SV2B: variants seen among roughly 807,000 people sequenced by gnomAD.
SV2B encodes the protein solute carrier family 22 member B2.
A neutral mutation model predicts 73.9 loss-of-function variants in SV2B; 41 were observed. That is an observed-to-expected ratio of 0.56 (90% CI 0.43 to 0.72). SV2B has a LOEUF of 0.72. Among genes scored for constraint, SV2B ranks in the 30% least tolerant of loss-of-function variants. The pLI is 0.00. For synonymous variants in SV2B, 314 were observed against 314.2 expected, an observed-to-expected ratio of 1.00 and a Z score of 0.01; for missense variants, 764 against 857.8, an observed-to-expected ratio of 0.89 and a Z score of 1.37.
intron 1 of SV2B, among the ~76,000 whole-genome samples, chr15:91,172,334 C>CA (rs1170797080): frequency 6.6e-6 from 1 of 152,236 alleles, no homozygotes; most frequent in African/African-American, 2.4e-5. Flanking sequence ...CCAGTGTGGA[C>CA]ACTTCCCTCT....
intron 1 of SV2B, among the ~76,000 whole-genome samples, chr15:91,111,617 G>A (rs2042038526): frequency 6.6e-6 from 1 of 152,204 alleles, no homozygotes; most frequent in Non-Finnish European, 1.5e-5. Flanking sequence ...TTCAGGAGAA[G>A]CATGTAGACC....
chr15:91,211,607 A>C (rs2045866446), intron 1 of SV2B, among the ~76,000 whole-genome samples: 1 of 150,466 alleles, frequency 6.6e-6, no homozygotes, highest in Admixed American at 6.6e-5. Context: ...GGGTTCAAGC[A>C]ATTCTTCTGC....
chr15:91,121,125 C>T lies in SV2B; in HGVS notation c.-392+20762C>T, dbSNP rs1463742576. Among the ~76,000 whole-genome samples the T allele has an allele frequency of 1.6e-5, 2 of 122,886 alleles. No individual in the cohort carries two copies. Among genetic ancestry groups the T allele is most frequent in the Non-Finnish European group, 3.7e-5 (2 of 54,048 alleles). 80.6% of individuals were successfully genotyped at this position (122,886 alleles called of 152,430 possible). Reference sequence around the variant, plus strand: ...AATTTTTGGTCTTATGTTAGTAACTCGTTTCATTTTTTTTTCTCTTTGAAA... The same window carrying T: ...AATTTTTGGTCTTATGTTAGTAACTTGTTTCATTTTTTTTTCTCTTTGAAA... On this transcript the variant is annotated intron_variant, in intron 1 of 12. Transcript: ENST00000394232. The surrounding 1 kb of genome is among the most constrained non-coding windows in gnomAD (Gnocchi z 4.4).
At chr15:91,219,386 T>C (rs539423446) in intron 1 of SV2B, among the ~76,000 whole-genome samples, 3 of 152,308 alleles carry the variant, frequency 2.0e-5, no homozygotes, top group Admixed American at 2.0e-4. Context: ...AATAGGAAGC[T>C]CTTGGTCCCT....
intron 1 of SV2B, among the ~76,000 whole-genome samples, chr15:91,166,679 T>A (rs1233271178): frequency 6.6e-6 from 1 of 152,114 alleles, no homozygotes; most frequent in Admixed American, 6.5e-5. Flanking sequence ...GATTAGATAC[T>A]TTTAATTGAC....
rs939545509 is a variant in SV2B, at chr15:91,128,642, A to G, written c.-392+28279A>G. ...CCAAAGCCAGCCATAAAACCTAAAA[A>G]TACTACTCCCACTTCCCTCTGCCTT... On this transcript the variant is annotated intron_variant, in intron 1 of 12. Coordinates refer to ENST00000394232, the MANE Select transcript of SV2B (RefSeq NM_001323032.3). This position sits in a 1 kb window ranked among gnomAD's most constrained non-coding sequence, Gnocchi z 4.2. The G allele has an allele frequency of 6.6e-6, 1 of 152,226 alleles. No individual in the cohort carries two copies. Among genetic ancestry groups the G allele is most frequent in the Non-Finnish European group, 1.5e-5 (1 of 68,100 alleles). The allele number at this position is 152,226 out of a possible 1,614,324, so 9.4% of individuals were successfully genotyped here. A position where few individuals can be genotyped will look rare whatever the true frequency, so the allele number is the denominator to read the frequency against.
rs192922830 is a variant in SV2B at position 91,115,628 on chromosome 15, C to T, written c.-392+15265C>T. Among the ~76,000 whole-genome samples the T allele has an allele frequency of 2.7e-3, 408 of 152,108 alleles. 2 individuals are homozygous for T. Among genetic ancestry groups the T allele is most frequent in the Non-Finnish European group, 4.4e-3 (299 of 68,002 alleles). Reference sequence around the variant, plus strand: ...CTGAACTCAAGCGATCCACCCGCCTCGACCTCTCAAAGTGCTGGGATTACA... The same window carrying T: ...CTGAACTCAAGCGATCCACCCGCCTTGACCTCTCAAAGTGCTGGGATTACA... On this transcript the variant is annotated intron_variant, in intron 1 of 12. Transcript: ENST00000394232. The surrounding 1 kb of genome is among the most constrained non-coding windows in gnomAD (Gnocchi z 4.3).
At chr15:91,162,541 A>G (rs368697101) in intron 1 of SV2B, among the ~76,000 whole-genome samples, 9 of 152,180 alleles carry the variant, frequency 5.9e-5, no homozygotes, top group African/African-American at 1.2e-4. Flanking sequence ...TCATTAGCCT[A>G]TGTCTCTGTA....
At position 91,258,657 on chromosome 15, in the gene SV2B, A is replaced by G. The variant is rs2047791825; in HGVS notation, c.918+103A>G. The G allele has an allele frequency of 6.5e-7, 1 of 1,532,102 alleles. No individual in the cohort carries two copies. 94.9% of individuals were successfully genotyped at this position (1,532,102 alleles called of 1,614,324 possible). Reference sequence around the variant, plus strand: ...CCTAGTCCCACATCCTCTGCTGCTTATGTGTTGCAAACTCTCCCCTGGTCG... The same window carrying G: ...CCTAGTCCCACATCCTCTGCTGCTTGTGTGTTGCAAACTCTCCCCTGGTCG... On this transcript the variant is annotated intron_variant, in intron 5 of 12. Coordinates refer to ENST00000394232, the MANE Select transcript of SV2B (RefSeq NM_001323032.3). The surrounding 1 kb of genome is among the most constrained non-coding windows in gnomAD (Gnocchi z 4.7).
chr15:91,178,438 T>A (rs2044411925), intron 1 of SV2B, among the ~76,000 whole-genome samples: 1 of 151,804 alleles, frequency 6.6e-6, no homozygotes, highest in African/African-American at 2.4e-5. Flanking sequence ...CCTCTTTTTC[T>A]GTTGATTGGA....
chr15:91,193,208 C>G (rs1187723715), intron 1 of SV2B, among the ~76,000 whole-genome samples: 1 of 152,120 alleles, frequency 6.6e-6, no homozygotes, highest in South Asian at 2.1e-4. Context: ...GGAGCCCCTG[C>G]AAGTGCCGCA....
chr15:91,252,352 G>T lies in SV2B; in HGVS notation c.633-17G>T, dbSNP rs2047520298. ...TGTATGACTTGATTCTTTCTCTCTG[G>T]CATTTTTCCTTTGCAGTATTGGGGG... On this transcript the variant is annotated splice_polypyrimidine_tract_variant and intron_variant, in intron 3 of 12. Coordinates refer to ENST00000394232, the MANE Select transcript of SV2B (RefSeq NM_001323032.3). This position sits in a 1 kb window ranked among gnomAD's most constrained non-coding sequence, Gnocchi z 4.6. 1 of 1,595,258 alleles carries T rather than the reference G, an allele frequency of 6.3e-7. No individual in the cohort carries two copies.
At chr15:91,182,048 T>G (rs866317351) in intron 1 of SV2B, among the ~76,000 whole-genome samples, 7 of 152,102 alleles carry the variant, frequency 4.6e-5, no homozygotes, top group African/African-American at 1.7e-4. Flanking sequence ...CATTTCTAGG[T>G]GTAAGATTGT....
chr15:91,250,103 C>T (rs904394482), intron 2 of SV2B, among the ~76,000 whole-genome samples: 33 of 151,842 alleles, frequency 2.2e-4, no homozygotes, highest in African/African-American at 8.0e-4. Context: ...GACACAGATG[C>T]AATAATCTTC....
At chr15:91,188,882 AGT>A (rs1188901242) in intron 1 of SV2B, among the ~76,000 whole-genome samples, 1 of 151,876 alleles carries the variant, frequency 6.6e-6, no homozygotes, top group Non-Finnish European at 1.5e-5. Flanking sequence ...GCAGGAGTGC[AGT>A]GGTGCAATCT....
chr15:91,283,723 G>A lies in SV2B; in HGVS notation c.1508-298G>A, dbSNP rs2048758708. 6.6e-6 allele frequency among the ~76,000 whole-genome samples: 1 copy of A among 152,082 alleles called. No individual in the cohort carries two copies. Among genetic ancestry groups the A allele is most frequent in the Non-Finnish European group, 1.5e-5 (1 of 67,996 alleles). On this transcript the variant is annotated intron_variant, in intron 10 of 12. Transcript: ENST00000394232. This position sits in a 1 kb window ranked among gnomAD's most constrained non-coding sequence, Gnocchi z 4.3. The stretch of plus-strand genomic sequence containing the variant: ...CCTACCTCGGCCTCCTCAAGTGCTG[G>A]GATTACAGATGTGGGCCACTACACC...
chr15:91,115,291 C>T lies in SV2B; in HGVS notation c.-392+14928C>T, dbSNP rs1567263551. Among the ~76,000 whole-genome samples the T allele has an allele frequency of 6.6e-6, 1 of 152,168 alleles. No individual in the cohort carries two copies. Among genetic ancestry groups the T allele is most frequent in the Non-Finnish European group, 1.5e-5 (1 of 68,036 alleles). On this transcript the variant is annotated intron_variant, in intron 1 of 12. Transcript: ENST00000394232. This position sits in a 1 kb window ranked among gnomAD's most constrained non-coding sequence, Gnocchi z 4.3. ...TCCACCACACACACTGAGCTGGCTT[C>T]TGTTGCTGAAATAAAGATAACACAG...
chr15:91,205,453 C>T (rs1223121611), intron 1 of SV2B, among the ~76,000 whole-genome samples: 2 of 150,546 alleles, frequency 1.3e-5, no homozygotes, highest in Admixed American at 6.6e-5. Flanking sequence ...GCAGCCTCTG[C>T]CTCCTGAGTT....
At chr15:91,213,638 C>CATATACCA (rs1215775377) in intron 1 of SV2B, among the ~76,000 whole-genome samples, 1 of 152,142 alleles carries the variant, frequency 6.6e-6, no homozygotes, top group Non-Finnish European at 1.5e-5. Flanking sequence ...TGGCAAAGAT[C>CATATACCA]ATATACCACC....
Sources: gnomAD v4.1 joint callset for allele counts (sites outside exome capture counted in the v4.1 genomes callset) on GRCh38, gnomAD v4.1.1 for gene constraint, Gnocchi (gnomAD v3.1) non-coding constraint, MANE v1.5 for transcripts, NCBI Gene and HGNC (gene_info 2026-07-23, HGNC 2026-07-21) for gene names.